PEX13: variants seen among roughly 807,000 people sequenced by gnomAD.
PEX13 encodes the protein peroxisomal biogenesis factor 13.
Under a neutral mutation model 34.5 loss-of-function variants are expected in PEX13, and 28 were observed. The ratio of observed to expected loss-of-function variants is 0.81; its 90% CI spans 0.60 to 1.11. The LOEUF is 1.11. Ranked by LOEUF, PEX13 falls within the 50% of genes most tolerant of loss-of-function variation. The pLI is 0.00. For synonymous variants in PEX13, 177 were observed against 175.1 expected, an observed-to-expected ratio of 1.01 and a Z score of -0.09; for missense variants, 550 against 491.0, an observed-to-expected ratio of 1.12 and a Z score of -1.13.
chr2:61,045,970 A>G (rs1011091272), intron 3 of PEX13, 119 bp downstream of exon 3: 1 of 890,946 alleles, frequency 1.1e-6, no homozygotes, highest in Non-Finnish European at 1.8e-6. Context: ...AGTTACTAGA[A>G]CTTCTTTTTC....
chr2:61,018,126 G>C, intron 1 of PEX13: 1 of 1,548,462 alleles, frequency 6.5e-7, no homozygotes, highest in Non-Finnish European at 8.7e-7. Context: ...AAGGGGGGCG[G>C]CTTCCTACCT....
At position 61,017,742 on chromosome 2, in the gene PEX13, C is replaced by G. The variant is rs1395079216; in HGVS notation, c.-18C>G. The G allele has an allele frequency of 3.2e-6, 5 of 1,546,314 alleles. 1 individual carries two copies. Among genetic ancestry groups the G allele is most frequent in the South Asian group, 2.4e-5 (2 of 83,800 alleles). ...GACAGTCAGGGGTAGGAGCGGGAGCCGAGAGGAGGCGGAGGAGATGGCGTC... is the reference window on the plus strand; with the variant it reads ...GACAGTCAGGGGTAGGAGCGGGAGCGGAGAGGAGGCGGAGGAGATGGCGTC... On this transcript the variant is annotated 5_prime_UTR_variant, in exon 1 of 4. Coordinates refer to ENST00000295030, the MANE Select transcript of PEX13 (RefSeq NM_002618.4).
intron 1 of PEX13, among the ~76,000 whole-genome samples, chr2:61,029,053 A>C (rs188151103): frequency 1.3e-5 from 2 of 151,534 alleles, no homozygotes; most frequent in African/African-American, 4.8e-5. Flanking sequence ...GGTCTCACCT[A>C]CATAGGAAGC....
Position 61,045,800 on chromosome 2 carries a change from GA to G in PEX13, c.864del (p.Glu289LysfsTer11). On this transcript the variant is annotated frameshift_variant, in exon 3 of 4. Coordinates refer to ENST00000295030, the MANE Select transcript of PEX13 (RefSeq NM_002618.4). LOFTEE classifies it high-confidence loss of function. ...AGAATATGATTTTGCTGCCGTATCT[GA>G]AGAAGAAATTTCTTTCCGGGCTGGT... ...RAEYDFAAVS[E>X]EEISFRAGDM... 1 of 1,613,244 alleles carries G rather than the reference GA, an allele frequency of 6.2e-7. No homozygotes were observed. The highest frequency in any genetic ancestry group is 8.5e-7 in the Non-Finnish European group (1 of 1,179,230).
chr2:61,047,329 T>C (rs1164046046), intron 3 of PEX13, among the ~76,000 whole-genome samples: 2 of 152,096 alleles, frequency 1.3e-5, no homozygotes, highest in East Asian at 3.9e-4. Flanking sequence ...CTAGTTTTTG[T>C]ATTTTTAGTA....
intron 1 of PEX13, among the ~76,000 whole-genome samples, chr2:61,023,457 C>G (rs1214449629): frequency 1.3e-5 from 2 of 151,628 alleles, no homozygotes; most frequent in Non-Finnish European, 2.9e-5. Context: ...TGCTTAGTAT[C>G]CACAGTATTC....
In PEX13 at chr2:61,018,050, G is replaced by A. The variant is rs1680131185; in HGVS notation, c.92+199G>A. ...TCTCACAGCTGTTTCTGACCCGGCA[G>A]CTCTAATCAGCAACGTTTTTTTCGG... On this transcript the variant is annotated intron_variant, in intron 1 of 3. Coordinates refer to ENST00000295030, the MANE Select transcript of PEX13 (RefSeq NM_002618.4). 7.5e-6 allele frequency: 11 copies of A among 1,472,908 alleles called. No homozygotes were observed. In the East Asian group the frequency reaches 1.5e-4, roughly 20 times the overall value. The allele number at this position is 1,472,908 out of a possible 1,614,324, so 91.2% of individuals were successfully genotyped here. A position where few individuals can be genotyped will look rare whatever the true frequency, so the allele number is the denominator to read the frequency against.
At chr2:61,022,761 G>A (rs1680286077) in intron 1 of PEX13, among the ~76,000 whole-genome samples, 1 of 152,136 alleles carries the variant, frequency 6.6e-6, no homozygotes, top group South Asian at 2.1e-4. Context: ...TAGCCACTAG[G>A]GAGGCTGAGG....
intron 2 of PEX13, among the ~76,000 whole-genome samples, chr2:61,038,262 A>G (rs746826361): frequency 6.6e-5 from 10 of 152,246 alleles, no homozygotes; most frequent in Non-Finnish European, 1.3e-4. Context: ...TTATGAGGCC[A>G]GCATCATCCT....
At chr2:61,046,296 A>G (rs1244045543) in intron 3 of PEX13, among the ~76,000 whole-genome samples, 1 of 152,208 alleles carries the variant, frequency 6.6e-6, no homozygotes, top group Non-Finnish European at 1.5e-5. Context: ...TTTAGGAAAT[A>G]GTGTCATGAA....
chr2:61,026,880 A>G (rs17036933), intron 1 of PEX13, among the ~76,000 whole-genome samples: 9,625 of 151,794 alleles, frequency 0.063, 1,058 homozygotes, highest in African/African-American at 0.22. Flanking sequence ...TGTGTGTGGC[A>G]TTTTTGAGAT....
Position 61,017,802 on chromosome 2 carries a change from C to G in PEX13, c.43C>G (p.Arg15Gly). Residue 15 changes from arginine to glycine, a missense_variant, in exon 1 of 4, where the codon CGC (arginine) becomes GGC (glycine). Arg to Gly is a moderately radical substitution (Grantham distance 125, BLOSUM62 -2). Transcript: ENST00000295030. ...PPPPPKPWETRRIPGAGPGPG... is the reference protein window; with the variant it reads ...PPPPPKPWETGRIPGAGPGPG... ...ACCTCCCCCCAAACCCTGGGAGACC[C>G]GCCGAATTCCGGGAGCCGGACCGGG... 6.4e-7 allele frequency: 1 copy of G among 1,550,530 alleles called. No homozygotes were observed. The highest frequency in any genetic ancestry group is 8.7e-7 in the Non-Finnish European group (1 of 1,146,874).
At chr2:61,018,174 A>G (rs1680142060) in intron 1 of PEX13, 7 of 1,550,584 alleles carry the variant, frequency 4.5e-6, no homozygotes, top group South Asian at 1.2e-5. Context: ...TGGCTTCTCT[A>G]TCTTTAAAGC....
chr2:61,031,484 C>T lies in PEX13; in HGVS notation c.158C>T (p.Pro53Leu), dbSNP rs1266112733. The change falls in exon 2 of 4, where the codon CCA becomes CTA. Residue 53 changes from proline (P) to leucine (L), a missense_variant. Pro to Leu is a moderately conservative substitution (Grantham distance 98). Transcript: ENST00000295030. ...PGQPALTRVP[P>L]PILPRPSQQT... ...CAACCAGCACTTACCAGAGTGCCCC[C>T]ACCTATTCTTCCAAGGCCATCACAG... 1 of 1,614,046 alleles carries T rather than the reference C, an allele frequency of 6.2e-7. No individual in the cohort carries two copies.
At chr2:61,026,616 GA>G (rs1326580048) in intron 1 of PEX13, among the ~76,000 whole-genome samples, 3 of 151,986 alleles carry the variant, frequency 2.0e-5, no homozygotes, top group Non-Finnish European at 2.9e-5. Flanking sequence ...AAAGTGCTGG[GA>G]TTGCAGACAT....
intron 1 of PEX13, chr2:61,019,024 C>G (rs1459488081): frequency 6.6e-6 from 1 of 152,236 alleles, no homozygotes; most frequent in Admixed American, 6.6e-5. Context: ...TAACATTTGC[C>G]AGACTTATGT....
chr2:61,031,400 G>C lies in PEX13; in HGVS notation c.93-19G>C. On this transcript the variant is annotated intron_variant, in intron 1 of 3. Transcript: ENST00000295030. ...TATTGTATGCTTAAATAACTGTTTT[G>C]AATCTTTTTTGGTTTTAGATCTGCT... 6.3e-7 allele frequency: 1 copy of C among 1,581,050 alleles called. No individual in the cohort carries two copies. Among genetic ancestry groups the C allele is most frequent in the Non-Finnish European group, 8.7e-7 (1 of 1,150,684 alleles).
intron 1 of PEX13, among the ~76,000 whole-genome samples, chr2:61,027,000 C>G (rs996037286): frequency 6.6e-6 from 1 of 151,832 alleles, no homozygotes; most frequent in African/African-American, 2.4e-5. Context: ...TTCCCTCTAC[C>G]TACCACTTAG....
In PEX13 at chr2:61,024,673, G is replaced by T. The variant is rs1006889494; in HGVS notation, c.93-6746G>T. ...AAATACAAAAAATTAGCTGGGCGTG[G>T]TGGTGGGCGCCTGTAGTCCCAGCTA... On this transcript the variant is annotated intron_variant, in intron 1 of 3. Transcript: ENST00000295030. 9.8e-5 allele frequency among the ~76,000 whole-genome samples: 15 copies of T among 152,322 alleles called. No individual in the cohort carries two copies. In the East Asian group the frequency reaches 2.9e-3, roughly 29 times the overall value.
Sources: allele counts gnomAD v4.1 joint callset (sites outside exome capture counted in the v4.1 genomes callset), GRCh38; gene constraint gnomAD v4.1.1; transcripts MANE v1.5; gene names NCBI Gene and HGNC (gene_info 2026-07-23, HGNC 2026-07-21).